The following TENM4 variants were observed in gnomAD, a reference collection of about 807,000 sequenced individuals.
TENM4 encodes teneurin-4.
A neutral mutation model predicts 243.3 loss-of-function variants in TENM4; 82 were observed. That is an observed-to-expected ratio of 0.34 (90% CI 0.28 to 0.40). The LOEUF (loss-of-function observed/expected upper bound fraction) is 0.40, where lower values mean the gene tolerates loss of function less well. Ranked by LOEUF, TENM4 falls within the 10% of genes least tolerant of loss-of-function variation. The pLI is 1.00. For missense variants in TENM4, 3,138 were observed against 3,673.3 expected, an observed-to-expected ratio of 0.85 and a Z score of 3.77; for synonymous variants, 1,412 against 1,456.3, an observed-to-expected ratio of 0.97 and a Z score of 0.69.
At chr11:78,847,683 A>G (rs1249776876) in intron 12 of TENM4, among the ~76,000 whole-genome samples, 2 of 152,340 alleles carry the variant, frequency 1.3e-5, no homozygotes, top group East Asian at 1.9e-4. Flanking sequence ...TGTCATTTAC[A>G]AGAAGGTTAA....
At chr11:79,398,135 AT>A (rs1186914332) in intron 1 of TENM4, among the ~76,000 whole-genome samples, 322 of 152,344 alleles carry the variant, frequency 2.1e-3, no homozygotes, top group African/African-American at 7.5e-3. Flanking sequence ...AAAATGCAGC[AT>A]CGGCCCAAGT....
At chr11:78,746,070 A>G (rs893260275) in intron 19 of TENM4, among the ~76,000 whole-genome samples, 3 of 152,128 alleles carry the variant, frequency 2.0e-5, no homozygotes, top group Non-Finnish European at 4.4e-5. Flanking sequence ...TTTCTGCCTC[A>G]GCCTCCCCAG....
intron 6 of TENM4, among the ~76,000 whole-genome samples, chr11:78,955,806 T>C (rs1857197796): frequency 1.3e-5 from 2 of 152,180 alleles, no homozygotes; most frequent in South Asian, 4.1e-4. Context: ...CCAGAGGTAA[T>C]GTATGAAAAA....
chr11:78,902,892 C>T (rs1395577030), intron 7 of TENM4, among the ~76,000 whole-genome samples: 1 of 151,798 alleles, frequency 6.6e-6, no homozygotes, highest in Non-Finnish European at 1.5e-5. Flanking sequence ...AGACTGAGAG[C>T]CTGCTGTTGG....
chr11:79,161,429 T>A (rs1341660802), intron 3 of TENM4, among the ~76,000 whole-genome samples: 2 of 152,230 alleles, frequency 1.3e-5, no homozygotes, highest in Non-Finnish European at 2.9e-5. Flanking sequence ...ATTAAAAGAT[T>A]GATATAAGAC....
At chr11:79,142,329 T>C (rs1862301884) in intron 4 of TENM4, among the ~76,000 whole-genome samples, 1 of 151,304 alleles carries the variant, frequency 6.6e-6, no homozygotes, top group African/African-American at 2.5e-5. Context: ...GATTTCTATA[T>C]GCCAACAGCA....
chr11:79,357,902 A>G (rs1333704151), intron 1 of TENM4, among the ~76,000 whole-genome samples: 1 of 152,234 alleles, frequency 6.6e-6, no homozygotes, highest in Non-Finnish European at 1.5e-5. Context: ...ACATACCACA[A>G]GAACACTCAA....
intron 6 of TENM4, among the ~76,000 whole-genome samples, chr11:78,995,845 G>A (rs1156807845): frequency 6.6e-6 from 1 of 152,052 alleles, no homozygotes; most frequent in Non-Finnish European, 1.5e-5. Context: ...ACCTTGCATC[G>A]ATCACTTAAG....
chr11:78,714,205 G>A (rs1328529930), intron 25 of TENM4, among the ~76,000 whole-genome samples: 1 of 152,162 alleles, frequency 6.6e-6, no homozygotes, highest in Non-Finnish European at 1.5e-5. Context: ...TAAGTTTGGG[G>A]TCCTTTTGAA....
At chr11:79,058,522 C>T (rs1486083665) in intron 6 of TENM4, among the ~76,000 whole-genome samples, 14 of 146,076 alleles carry the variant, frequency 9.6e-5, no homozygotes, top group African/African-American at 2.6e-4. Context: ...CCAGCCTGGA[C>T]GACAGAGTGA....
At chr11:79,217,440 G>T (rs567277758) in intron 2 of TENM4, among the ~76,000 whole-genome samples, 1 of 152,152 alleles carries the variant, frequency 6.6e-6, no homozygotes, top group Non-Finnish European at 1.5e-5. Flanking sequence ...TATTTGAGAA[G>T]TTCCCTGAAT....
chr11:78,800,736 GGA>G (rs5792816), intron 15 of TENM4, among the ~76,000 whole-genome samples: 97,782 of 144,038 alleles, frequency 0.68, 33,490 homozygotes, highest in Middle Eastern at 0.76. Context: ...AGTTCACAGG[GGA>G]GAGAGAGAGA....
At chr11:79,137,235 CT>C (rs969915602) in intron 4 of TENM4, among the ~76,000 whole-genome samples, 3 of 152,154 alleles carry the variant, frequency 2.0e-5, no homozygotes, top group African/African-American at 7.2e-5. Flanking sequence ...CTCCTTCCAC[CT>C]TTAAGTCAAC....
At chr11:78,942,572 T>C (rs1856923354) in intron 6 of TENM4, among the ~76,000 whole-genome samples, 2 of 152,164 alleles carry the variant, frequency 1.3e-5, no homozygotes, top group South Asian at 2.1e-4. Context: ...TTGGACAAGT[T>C]TGCTCTAGGG....
intron 2 of TENM4, among the ~76,000 whole-genome samples, chr11:79,295,424 G>T (rs1856432837): frequency 6.6e-6 from 1 of 152,142 alleles, no homozygotes. Flanking sequence ...CTGAGAGCCT[G>T]CAGTAGTAAG....
intron 33 of TENM4, among the ~76,000 whole-genome samples, chr11:78,659,781 C>T (rs182128134): frequency 2.0e-5 from 3 of 152,182 alleles, no homozygotes; most frequent in Non-Finnish European, 2.9e-5. Context: ...GCCAACTTGG[C>T]GTATCATCTA....
At chr11:78,944,815 A>G (rs1856976886) in intron 6 of TENM4, among the ~76,000 whole-genome samples, 1 of 152,184 alleles carries the variant, frequency 6.6e-6, no homozygotes, top group Non-Finnish European at 1.5e-5. Context: ...ATTATGCCTT[A>G]TTTTACAGAT....
chr11:78,875,928 G>A (rs1439431807), intron 9 of TENM4, among the ~76,000 whole-genome samples: 5 of 152,232 alleles, frequency 3.3e-5, no homozygotes, highest in African/African-American at 1.2e-4. Context: ...TGGGAGCAGG[G>A]GCAAAGGCAA....
rs142528972 is a variant in TENM4, at chr11:79,072,694, A to G, written c.-65-2685T>C. On this transcript the variant is annotated intron_variant, in intron 4 of 33. Coordinates refer to ENST00000278550, the MANE Select transcript of TENM4 (RefSeq NM_001098816.3). ...AACTCTAAATTGATATCACAACCCA[A>G]TACTGGCTTTCAACGCAAAGCACTA... Among the ~76,000 whole-genome samples the G allele has an allele frequency of 9.9e-4, 150 of 152,282 alleles. No individual in the cohort carries two copies. The East Asian group carries it at 0.021, about 22-fold the overall frequency.
Sources: allele counts gnomAD v4.1 joint callset (sites outside exome capture counted in the v4.1 genomes callset), GRCh38; gene constraint gnomAD v4.1.1; transcripts MANE v1.5; gene names NCBI Gene and HGNC (gene_info 2026-07-23, HGNC 2026-07-21).